The following SHISA9 variants were observed in gnomAD, a reference collection of about 807,000 sequenced individuals.
The protein encoded by SHISA9 is shisa family member 9, also known as protein shisa-9.
A neutral mutation model predicts 38.0 loss-of-function variants in SHISA9; 13 were observed. The observed-to-expected ratio is 0.34, with a 90% confidence interval of 0.22 to 0.54. The LOEUF is 0.54. Among genes scored for constraint, SHISA9 ranks in the 20% least tolerant of loss-of-function variants. The pLI, the probability that SHISA9 is intolerant of heterozygous loss-of-function variation, is 0.91. For synonymous variants in SHISA9, 275 were observed against 242.0 expected (o/e 1.14, Z -1.27); for missense variants, 538 against 575.8 (o/e 0.93, Z 0.67).
chr16:13,209,639 A>G (rs1567249538), intron 3 of SHISA9, among the ~76,000 whole-genome samples: 1 of 152,190 alleles, frequency 6.6e-6, no homozygotes, highest in East Asian at 1.9e-4. Flanking sequence ...ATTTCCCACC[A>G]ATGTTGAGGT....
At chr16:13,008,009 C>T (rs2072620416) in intron 2 of SHISA9, among the ~76,000 whole-genome samples, 1 of 152,170 alleles carries the variant, frequency 6.6e-6, no homozygotes, top group East Asian at 1.9e-4. Context: ...TACCGCAAGC[C>T]TCTGTGACTC....
intron 2 of SHISA9, among the ~76,000 whole-genome samples, chr16:13,113,904 G>T (rs963226172): frequency 6.6e-5 from 10 of 152,196 alleles, no homozygotes; most frequent in African/African-American, 2.4e-4. Context: ...GCTGGCAGGG[G>T]TCACTGCCTT....
chr16:13,417,616 C>T, the SHISA9 span, among the ~76,000 whole-genome samples: 1 of 152,208 alleles, frequency 6.6e-6, no homozygotes, highest in Non-Finnish European at 1.5e-5. Context: ...TCCCTCATTC[C>T]TAAAGCAGAA....
At chr16:13,344,694 A>C in the SHISA9 span, among the ~76,000 whole-genome samples, 1 of 152,174 alleles carries the variant, frequency 6.6e-6, no homozygotes, top group South Asian at 2.1e-4. Context: ...AAGCACTTAC[A>C]ATAGATGCTA....
intron 2 of SHISA9, among the ~76,000 whole-genome samples, chr16:12,978,889 T>C (rs534842557): frequency 6.6e-6 from 1 of 152,356 alleles, no homozygotes; most frequent in Non-Finnish European, 1.5e-5. Flanking sequence ...ATGGTTAGTA[T>C]GTATGTGTTC....
chr16:13,084,978 A>G (rs1271643528), intron 2 of SHISA9, among the ~76,000 whole-genome samples: 1 of 152,162 alleles, frequency 6.6e-6, no homozygotes, highest in Admixed American at 6.5e-5. Context: ...ATTGGAGATG[A>G]GGATGGAGAT....
chr16:12,947,778 G>A (rs2071706205), intron 2 of SHISA9, among the ~76,000 whole-genome samples: 1 of 152,192 alleles, frequency 6.6e-6, no homozygotes, highest in Admixed American at 6.5e-5. Context: ...GTGTATAGCT[G>A]CGAAATGGAG....
At chr16:12,975,510 A>G (rs531031911) in intron 2 of SHISA9, among the ~76,000 whole-genome samples, 6 of 152,220 alleles carry the variant, frequency 3.9e-5, no homozygotes, top group African/African-American at 1.2e-4. Flanking sequence ...AAAAAGAAAG[A>G]AAGGAAAAAG....
chr16:13,469,639 G>A, the SHISA9 span, among the ~76,000 whole-genome samples: 2 of 152,152 alleles, frequency 1.3e-5, no homozygotes, highest in African/African-American at 4.8e-5. Context: ...GCCCCTTGGA[G>A]ACAGAGGCAG....
At chr16:13,246,145 T>G in the SHISA9 span, among the ~76,000 whole-genome samples, 84 of 152,254 alleles carry the variant, frequency 5.5e-4, no homozygotes, top group African/African-American at 6.3e-4. Flanking sequence ...CACCCAAATC[T>G]TATCTTGAAT....
chr16:13,268,461 A>G, the SHISA9 span, among the ~76,000 whole-genome samples: 1 of 152,158 alleles, frequency 6.6e-6, no homozygotes, highest in Admixed American at 6.5e-5. Context: ...GTGGGCCAAG[A>G]TCGTGCCATT....
At chr16:12,912,577 T>C (rs1214314340) in intron 1 of SHISA9, among the ~76,000 whole-genome samples, 1 of 152,176 alleles carries the variant, frequency 6.6e-6, no homozygotes, top group African/African-American at 2.4e-5. Flanking sequence ...ATGAAGAGCC[T>C]GTTTACAAGT....
intron 4 of SHISA9, among the ~76,000 whole-genome samples, chr16:13,214,104 T>C (rs1302260651): frequency 6.6e-6 from 1 of 152,224 alleles, no homozygotes; most frequent in Non-Finnish European, 1.5e-5. Flanking sequence ...TGGAAGCAGC[T>C]CTTTTTAGAA....
intron 2 of SHISA9, among the ~76,000 whole-genome samples, chr16:12,953,205 CCCT>C (rs1002475024): frequency 9.0e-5 from 13 of 143,946 alleles, no homozygotes; most frequent in African/African-American, 3.2e-4. Flanking sequence ...ACAAAAAAAC[CCCT>C]CAACAACAAC....
the SHISA9 span, among the ~76,000 whole-genome samples, chr16:13,420,111 T>A: frequency 1.3e-5 from 2 of 151,836 alleles, no homozygotes; most frequent in Non-Finnish European, 2.9e-5. Context: ...CCAGGTGTGG[T>A]GGTGGGCACC....
At chr16:13,298,640 C>A in the SHISA9 span, among the ~76,000 whole-genome samples, 5 of 152,202 alleles carry the variant, frequency 3.3e-5, no homozygotes, top group African/African-American at 4.8e-5. Flanking sequence ...GCTTGAGCTT[C>A]TTCATCACCA....
the SHISA9 span, among the ~76,000 whole-genome samples, chr16:13,386,024 A>G: frequency 1.3e-5 from 2 of 152,204 alleles, no homozygotes; most frequent in South Asian, 2.1e-4. Context: ...AAAGGACACC[A>G]TAAGGAATCC....
At chr16:13,149,291 C>A (rs572588862) in intron 2 of SHISA9, among the ~76,000 whole-genome samples, 31 of 152,210 alleles carry the variant, frequency 2.0e-4, no homozygotes, top group Non-Finnish European at 4.0e-4. Context: ...ATGTCCTGAG[C>A]CTGGCATTGA....
rs180789241 is a variant in SHISA9, at chr16:13,187,437, C to T, written c.692-15957C>T. Among the ~76,000 whole-genome samples the T allele has an allele frequency of 8.2e-4, 122 of 149,140 alleles. 4 individuals carry two copies. The Middle Eastern group carries it at 0.014, about 17-fold the overall frequency. ...GCAGCCTCCACCTCCTGTGTTCAAG[C>T]GATTCTCCTGTCTCAGCCTCCTGAA... On this transcript the variant is annotated intron_variant, in intron 2 of 4. Coordinates refer to ENST00000558583, the MANE Select transcript of SHISA9 (RefSeq NM_001145204.3).
Sources: gnomAD v4.1 joint callset for allele counts (sites outside exome capture counted in the v4.1 genomes callset) on GRCh38, gnomAD v4.1.1 for gene constraint, MANE v1.5 for transcripts, NCBI Gene and HGNC (gene_info 2026-07-23, HGNC 2026-07-21) for gene names.